RNASEH2B: variants seen among roughly 807,000 people sequenced by gnomAD.
RNASEH2B encodes the protein Aicardi-Goutieres syndrome 2 protein.
A neutral mutation model predicts 45.0 loss-of-function variants in RNASEH2B; 36 were observed. That is an observed-to-expected ratio of 0.80 (90% confidence interval 0.61 to 1.06). The LOEUF (loss-of-function observed/expected upper bound fraction) is 1.06, where lower values mean the gene tolerates loss of function less well. Among genes scored for constraint, RNASEH2B ranks in the 50% least tolerant of loss-of-function variants. RNASEH2B has a pLI of 0.00. For missense variants in RNASEH2B, 361 were observed against 360.3 expected, an observed-to-expected ratio of 1.00 and a Z score of -0.02; for synonymous variants, 119 against 125.7, an observed-to-expected ratio of 0.95 and a Z score of 0.35.
intron 7 of RNASEH2B, 140 bp from the exon 8 acceptor site, chr13:50,947,847 G>A (rs1566088180): frequency 7.3e-7 from 1 of 1,378,714 alleles, no homozygotes; most frequent in African/African-American, 1.4e-5. Context: ...TTTTACAAAT[G>A]AGAAAACTGA....
chr13:50,969,820 A>T, intron 9 of RNASEH2B: 1 of 1,059,072 alleles, frequency 9.4e-7, no homozygotes, highest in Non-Finnish European at 1.4e-6. Context: ...TGCCCTCAGG[A>T]CTAAACCCGC....
chr13:50,956,645 T>C lies in RNASEH2B; in HGVS notation c.*171T>C. On this transcript the variant is annotated 3_prime_UTR_variant, in exon 11 of 11. Coordinates refer to ENST00000336617, the MANE Select transcript of RNASEH2B (RefSeq NM_024570.4). ...TGTTCCTGAACAAAATATGGGAAAGTGTCTAACTTCATGGCTATGGCCTTT... is the reference window on the plus strand; with the variant it reads ...TGTTCCTGAACAAAATATGGGAAAGCGTCTAACTTCATGGCTATGGCCTTT... 1.4e-6 allele frequency: 2 copies of C among 1,407,328 alleles called. No individual in the cohort carries two copies. Among genetic ancestry groups the C allele is most frequent in the South Asian group, 2.8e-5 (2 of 72,198 alleles). 87.2% of individuals were successfully genotyped at this position (1,407,328 alleles called of 1,614,324 possible). A position where few individuals can be genotyped will look rare whatever the true frequency, so the allele number is the denominator to read the frequency against.
chr13:50,921,252 T>C (rs922763180), intron 1 of RNASEH2B: 2 of 152,092 alleles, frequency 1.3e-5, no homozygotes, highest in Admixed American at 6.6e-5. Context: ...GGAGCTGAGA[T>C]TGGAGTATGG....
At chr13:50,965,219 GT>G (rs1253673590) in intron 9 of RNASEH2B, among the ~76,000 whole-genome samples, 2 of 152,068 alleles carry the variant, frequency 1.3e-5, no homozygotes, top group Non-Finnish European at 2.9e-5. Context: ...ACTTACTATT[GT>G]TTTACAGTTG....
At position 50,947,917 on chromosome 13, in the gene RNASEH2B, A is replaced by AT; in HGVS notation, c.617-67dup. On this transcript the variant is annotated intron_variant, in intron 7 of 10. Transcript: ENST00000336617. Reference sequence around the variant, plus strand: ...AGGGTCAGAATTTGAATTCAGGTCAATTTGACTATAAAACCACCATAATTA... The same window carrying AT: ...AGGGTCAGAATTTGAATTCAGGTCAATTTTGACTATAAAACCACCATAATTA... 3 of 1,595,754 alleles carry AT rather than the reference A, an allele frequency of 1.9e-6. No individual in the cohort carries two copies. In the Admixed American group the frequency reaches 5.0e-5, roughly 27 times the overall value.
intron 10 of RNASEH2B, chr13:50,955,255 G>A (rs949659146): frequency 2.0e-5 from 3 of 152,090 alleles, no homozygotes; most frequent in African/African-American, 4.8e-5. Flanking sequence ...TGAGTTTAAT[G>A]TTTTTTAGAA....
chr13:50,934,594 T>C, intron 4 of RNASEH2B: 1 of 420,160 alleles, frequency 2.4e-6, no homozygotes, highest in Non-Finnish European at 4.5e-6. Flanking sequence ...CTTTGCAAGC[T>C]TCTGTGGCTT....
intron 7 of RNASEH2B, among the ~76,000 whole-genome samples, chr13:50,947,160 G>A (rs962486937): frequency 5.3e-5 from 8 of 152,196 alleles, no homozygotes; most frequent in African/African-American, 1.4e-4. Flanking sequence ...ATATCCCCAC[G>A]TGGTTATCCC....
At chr13:50,963,456 G>T (rs545940164) in intron 9 of RNASEH2B, among the ~76,000 whole-genome samples, 1 of 152,008 alleles carries the variant, frequency 6.6e-6, no homozygotes, top group Non-Finnish European at 1.5e-5. Flanking sequence ...GAGCCACCAC[G>T]CCCGGCCTTA....
chr13:50,938,229 A>G (rs1416663569), intron 5 of RNASEH2B: 3 of 152,208 alleles, frequency 2.0e-5, no homozygotes, highest in African/African-American at 4.8e-5. Context: ...CAAGACCAAT[A>G]TGCTGAACAT....
chr13:50,928,973 GAAAA>G (rs1219534317), intron 2 of RNASEH2B, among the ~76,000 whole-genome samples: 3 of 134,344 alleles, frequency 2.2e-5, no homozygotes, highest in Admixed American at 1.6e-4. Flanking sequence ...GAAAGGAAAG[GAAAA>G]AAAATTCATT....
chr13:50,957,599 T>C (rs191443507), downstream of RNASEH2B, among the ~76,000 whole-genome samples: 48 of 152,324 alleles, frequency 3.2e-4, no homozygotes, highest in African/African-American at 1.1e-3. Flanking sequence ...TAATTTATTT[T>C]CCTTTGAGTA....
chr13:50,927,015 G>A (rs1461765499), intron 1 of RNASEH2B: 1 of 229,610 alleles, frequency 4.4e-6, no homozygotes, highest in Non-Finnish European at 8.7e-6. Context: ...TTACGTTAAT[G>A]TTTTCAGTAG....
downstream of RNASEH2B, among the ~76,000 whole-genome samples, chr13:50,957,361 G>GT (rs1235421880): frequency 2.6e-5 from 4 of 151,906 alleles, no homozygotes; most frequent in African/African-American, 7.3e-5. Flanking sequence ...TGGTTTTCTG[G>GT]TTTTTTTGCA....
intron 3 of RNASEH2B, among the ~76,000 whole-genome samples, chr13:50,929,944 A>G (rs1161184570): frequency 2.0e-5 from 3 of 152,208 alleles, no homozygotes; most frequent in Non-Finnish European, 4.4e-5. Context: ...GAAACTGGAT[A>G]CTGATATGGC....
intron 1 of RNASEH2B, among the ~76,000 whole-genome samples, chr13:50,924,141 C>A (rs922334902): frequency 6.6e-6 from 1 of 152,102 alleles, no homozygotes; most frequent in Admixed American, 6.5e-5. Flanking sequence ...GAAAACAGAG[C>A]TAAATGGCAG....
chr13:50,970,289 G>T (rs1418935927), exon 10 of RNASEH2B: 1 of 503,718 alleles, frequency 2.0e-6, no homozygotes, highest in African/African-American at 2.0e-5. Context: ...TAAAGTACTT[G>T]ATTGTCTTGA....
rs1454047013 is a variant in RNASEH2B, at chr13:50,929,569, A to G, written c.231A>G (p.Gln77=). 16 of 1,594,544 alleles carry G rather than the reference A, an allele frequency of 1.0e-5. No individual in the cohort carries two copies. Among genetic ancestry groups the G allele is most frequent in the Non-Finnish European group, 1.3e-5 (15 of 1,162,348 alleles). Residue 77 remains glutamine, a synonymous_variant, in exon 3 of 11, where the codon CAA becomes CAG. Transcript: ENST00000336617. The stretch of plus-strand genomic sequence containing the variant: ...AACACCATTCTTGGTTTATAAATCA[A>G]TCAGTTCAATCAGGTAGGTGACTAG... ...KEKHHSWFIN[Q]SVQSGGLLHF... is the part of the protein sequence containing the mutation.
intron 1 of RNASEH2B, among the ~76,000 whole-genome samples, chr13:50,923,937 C>A (rs544549998): frequency 6.6e-6 from 1 of 152,272 alleles, no homozygotes; most frequent in Admixed American, 6.5e-5. Flanking sequence ...ACTTACTACT[C>A]TTGAAACTCA....
Sources: allele counts gnomAD v4.1 joint callset (sites outside exome capture counted in the v4.1 genomes callset), GRCh38; gene constraint gnomAD v4.1.1; transcripts MANE v1.5; gene names NCBI Gene and HGNC (gene_info 2026-07-23, HGNC 2026-07-21).